Variants in RBFOX1 observed in about 807,000 individuals in gnomAD.
RBFOX1 encodes the protein RNA binding protein fox-1 homolog 1.
Under a neutral mutation model 57.7 loss-of-function variants are expected in RBFOX1, and 8 were observed. The observed-to-expected ratio is 0.14, with a 90% CI of 0.08 to 0.25. The LOEUF is 0.25. RBFOX1 is among the 10% of genes least tolerant of loss of function. The pLI, the probability that RBFOX1 is intolerant of heterozygous loss-of-function variation, is 1.00. For missense variants in RBFOX1, 611 were observed against 548.5 expected (o/e 1.11, Z -1.14); for synonymous variants, 326 against 222.4 (o/e 1.47, Z -4.15).
In RBFOX1 at chr16:5,947,426, G is replaced by A. The variant is rs184038462; in HGVS notation, c.351+80091G>A. On this transcript the variant is annotated intron_variant, in intron 4 of 19. Transcript: ENST00000641259. The surrounding 1 kb of genome is among the most constrained non-coding windows in gnomAD (Gnocchi z 7.2). ...GCTCTCGCTCAGACTGGAGTGCATTGGTATGATCATGGCTCACTACAGCCT... is the reference window on the plus strand; with the variant it reads ...GCTCTCGCTCAGACTGGAGTGCATTAGTATGATCATGGCTCACTACAGCCT... Among the ~76,000 whole-genome samples, 21 of 152,230 alleles carry A rather than the reference G, an allele frequency of 1.4e-4. No individual in the cohort carries two copies. Among genetic ancestry groups the A allele is most frequent in the African/African-American group, 4.6e-4 (19 of 41,532 alleles).
intron 4 of RBFOX1, among the ~76,000 whole-genome samples, chr16:7,398,166 A>G (rs1013396120): frequency 1.3e-5 from 2 of 152,202 alleles, no homozygotes; most frequent in Non-Finnish European, 1.5e-5. Flanking sequence ...CCCATTTCAA[A>G]CAAGCATTGG....
intron 3 of RBFOX1, among the ~76,000 whole-genome samples, chr16:6,997,674 T>C (rs939207431): frequency 2.0e-5 from 3 of 152,210 alleles, no homozygotes; most frequent in African/African-American, 4.8e-5. Flanking sequence ...GTTCGGTTTC[T>C]TGAAACTGAA....
At chr16:6,754,221 G>A (rs1480119723) in intron 3 of RBFOX1, among the ~76,000 whole-genome samples, 1 of 152,056 alleles carries the variant, frequency 6.6e-6, no homozygotes, top group Non-Finnish European at 1.5e-5. Flanking sequence ...CTATGCTCTG[G>A]GGTTCAAATG....
chr16:6,279,023 A>C (rs1405945651), intron 1 of RBFOX1, among the ~76,000 whole-genome samples: 1 of 152,152 alleles, frequency 6.6e-6, no homozygotes, highest in East Asian at 1.9e-4. Context: ...TCTTAGTGCA[A>C]AATTAATTGA....
intron 2 of RBFOX1, among the ~76,000 whole-genome samples, chr16:6,512,676 C>A (rs928736990): frequency 1.3e-5 from 2 of 152,158 alleles, no homozygotes; most frequent in Admixed American, 1.3e-4. Flanking sequence ...CTAGTTCAGT[C>A]CCCACATGCT....
intron 2 of RBFOX1, among the ~76,000 whole-genome samples, chr16:6,618,416 C>T (rs8064016): frequency 0.24 from 36,835 of 152,096 alleles, 4,559 homozygotes; most frequent in Admixed American, 0.3. Flanking sequence ...TAGAAGAAGA[C>T]ACTGAAACAC....
Position 7,223,082 on chromosome 16 carries a change from C to T in RBFOX1, c.27+170984C>T, listed in dbSNP as rs1603351208. Among the ~76,000 whole-genome samples, 3 of 152,214 alleles carry T rather than the reference C, an allele frequency of 2.0e-5. No homozygotes were observed. In the East Asian group the frequency reaches 5.8e-4, roughly 29 times the overall value. On this transcript the variant is annotated intron_variant, in intron 4 of 15. Coordinates refer to ENST00000550418, the MANE Select transcript of RBFOX1 (RefSeq NM_018723.4). ...GCGATTCTCATTTAGCTGTCAGCAGCAGCCTGGGAGACTAGCAACTGAGGT... is the reference window on the plus strand; with the variant it reads ...GCGATTCTCATTTAGCTGTCAGCAGTAGCCTGGGAGACTAGCAACTGAGGT...
intron 4 of RBFOX1, among the ~76,000 whole-genome samples, chr16:5,902,358 G>A (rs1183168477): frequency 6.6e-6 from 1 of 152,136 alleles, no homozygotes; most frequent in Non-Finnish European, 1.5e-5. Flanking sequence ...TTCCCACAGA[G>A]AAATGCTCTG....
chr16:7,533,822 A>G (rs1366061343), intron 5 of RBFOX1, among the ~76,000 whole-genome samples: 1 of 152,244 alleles, frequency 6.6e-6, no homozygotes, highest in Non-Finnish European at 1.5e-5. Flanking sequence ...GGATTAGTAA[A>G]TACTACATTC....
At chr16:7,153,316 T>G (rs1055925971) in intron 4 of RBFOX1, among the ~76,000 whole-genome samples, 2 of 152,202 alleles carry the variant, frequency 1.3e-5, no homozygotes, top group Non-Finnish European at 2.9e-5. Flanking sequence ...TTATTTCATT[T>G]GATAAACATG....
chr16:7,469,336 A>G (rs1312455534), intron 4 of RBFOX1, among the ~76,000 whole-genome samples: 1 of 152,068 alleles, frequency 6.6e-6, no homozygotes, highest in African/African-American at 2.4e-5. Flanking sequence ...TGCTGGGATT[A>G]TAGGCGTGAG....
chr16:7,597,017 T>G (rs1455965032), intron 8 of RBFOX1, among the ~76,000 whole-genome samples: 1 of 152,180 alleles, frequency 6.6e-6, no homozygotes, highest in Non-Finnish European at 1.5e-5. Context: ...ATATGAATTT[T>G]ATTTTATGTT....
chr16:7,207,223 T>A (rs576351985), intron 4 of RBFOX1, among the ~76,000 whole-genome samples: 1 of 152,202 alleles, frequency 6.6e-6, no homozygotes, highest in Non-Finnish European at 1.5e-5. Context: ...CATTTTTATG[T>A]ATATGGCATC....
chr16:6,514,336 G>A (rs767026684), intron 2 of RBFOX1, among the ~76,000 whole-genome samples: 1 of 152,076 alleles, frequency 6.6e-6, no homozygotes, highest in Admixed American at 6.6e-5. Flanking sequence ...AGTATGGCGT[G>A]GAGGCTTAAG....
At chr16:6,147,903 C>G (rs117345367) in intron 1 of RBFOX1, among the ~76,000 whole-genome samples, 2,885 of 152,328 alleles carry the variant, frequency 0.019, 47 homozygotes, top group South Asian at 0.032. Flanking sequence ...CTAGTCATCT[C>G]CATTGCTATG....
intron 2 of RBFOX1, among the ~76,000 whole-genome samples, chr16:6,343,641 A>G (rs780187439): frequency 2.6e-4 from 40 of 152,218 alleles, no homozygotes; most frequent in Admixed American, 9.2e-4. Context: ...CTTCCTATAG[A>G]TGTAGAAAGT....
intron 4 of RBFOX1, among the ~76,000 whole-genome samples, chr16:7,076,439 A>G (rs2058314461): frequency 6.6e-6 from 1 of 152,202 alleles, no homozygotes. Flanking sequence ...ATGCTTGAGA[A>G]AAAAGTTAAG....
At position 7,058,007 on chromosome 16, in the gene RBFOX1, A is replaced by AAAAT. The variant is rs1491345629; in HGVS notation, c.27+5912_27+5913insTAAA. 7.0e-5 allele frequency among the ~76,000 whole-genome samples: 6 copies of AAAAT among 86,186 alleles called. 1 individual carries two copies. Among genetic ancestry groups the AAAAT allele is most frequent in the Admixed American group, 1.1e-4 (1 of 8,836 alleles). 56.5% of individuals were successfully genotyped at this position (86,186 alleles called of 152,430 possible). ...TGGTCGACAGAGGGAGACTGTGGGGAAAAAAAAAAAAAAAACACGAAAACC... is the reference window on the plus strand; with the variant it reads ...TGGTCGACAGAGGGAGACTGTGGGGAAAATAAAAAAAAAAAAAAACACGAAAACC... On this transcript the variant is annotated intron_variant, in intron 4 of 15. Coordinates refer to ENST00000550418, the MANE Select transcript of RBFOX1 (RefSeq NM_018723.4).
At position 7,567,253 on chromosome 16, in the gene RBFOX1, A is replaced by ATATATATCCC. The variant is rs1555611980; in HGVS notation, c.271-12517_271-12516insCCCTATATAT. On this transcript the variant is annotated intron_variant, in intron 5 of 15. Transcript: ENST00000550418. ...CCTATATATATATCCATATATCCCT[A>ATATATATCCC]TATATATATATCCCTATATATATAT... 9.5e-5 allele frequency among the ~76,000 whole-genome samples: 4 copies of ATATATATCCC among 42,168 alleles called. No individual in the cohort carries two copies. In the South Asian group the frequency reaches 3.6e-3, roughly 38 times the overall value. 27.7% of individuals were successfully genotyped at this position (42,168 alleles called of 152,430 possible). A position where few individuals can be genotyped will look rare whatever the true frequency, so the allele number is the denominator to read the frequency against.
Sources: allele counts gnomAD v4.1 joint callset (sites outside exome capture counted in the v4.1 genomes callset), GRCh38; gene constraint gnomAD v4.1.1; non-coding constraint Gnocchi (gnomAD v3.1); transcripts MANE v1.5; gene names NCBI Gene and HGNC (gene_info 2026-07-23, HGNC 2026-07-21).